TRIM71: variants seen among roughly 807,000 people sequenced by gnomAD.
The protein encoded by TRIM71 is tripartite motif containing 71.
A neutral mutation model predicts 61.2 loss-of-function variants in TRIM71; 9 were observed. The ratio of observed to expected loss-of-function variants is 0.15; its 90% CI spans 0.09 to 0.26. The LOEUF (loss-of-function observed/expected upper bound fraction) is 0.26, where lower values mean the gene tolerates loss of function less well. Among genes scored for constraint, TRIM71 ranks in the 10% least tolerant of loss-of-function variants. TRIM71 has a pLI of 1.00. For synonymous variants in TRIM71, 645 were observed against 553.2 expected, an observed-to-expected ratio of 1.17 and a Z score of -2.33; for missense variants, 998 against 1,238.7, an observed-to-expected ratio of 0.81 and a Z score of 2.92.
chr3:32,869,875 A>G (rs372120242), intron 1 of TRIM71, among the ~76,000 whole-genome samples: 2 of 152,172 alleles, frequency 1.3e-5, no homozygotes, highest in East Asian at 3.9e-4. Context: ...GATTGTCGCC[A>G]GGCCCGAGGG....
rs1697078868 is a variant in TRIM71, at chr3:32,896,448, T to G, written c.*4637T>G. Reference sequence around the variant, plus strand: ...AAAGGTAACATGTTGACGGGTTTTTTTTTTCCTTGTTTATTAAATACTTGA... The same window carrying G: ...AAAGGTAACATGTTGACGGGTTTTTGTTTTCCTTGTTTATTAAATACTTGA... On this transcript the variant is annotated 3_prime_UTR_variant, in exon 4 of 4. Transcript: ENST00000383763. The G allele has an allele frequency of 6.6e-6, 1 of 152,232 alleles. No homozygotes were observed. The highest frequency in any genetic ancestry group is 2.1e-4 in the South Asian group (1 of 4,830). 9.4% of individuals were successfully genotyped at this position (152,232 alleles called of 1,614,324 possible).
At chr3:32,863,774 C>G (rs1016440831) in intron 1 of TRIM71, among the ~76,000 whole-genome samples, 1 of 151,974 alleles carries the variant, frequency 6.6e-6, no homozygotes, top group Non-Finnish European at 1.5e-5. Context: ...CTCTGCCTCC[C>G]GGGTTCAAGC....
rs117460298 is a variant in TRIM71, at chr3:32,821,998, T to C, written c.852+3066T>C. On this transcript the variant is annotated intron_variant, in intron 1 of 3. Transcript: ENST00000383763. ...ACAACTAGGGAGTTGTGAGCGCTGC[T>C]CCAGCTGCTCACAAGTGACCCTTTA... Among the ~76,000 whole-genome samples, 151 of 152,246 alleles carry C rather than the reference T, an allele frequency of 9.9e-4. 4 individuals carry two copies. In the East Asian group the frequency reaches 0.027, roughly 27 times the overall value.
chr3:32,858,990 G>T (rs1696636385), intron 1 of TRIM71, among the ~76,000 whole-genome samples: 1 of 152,122 alleles, frequency 6.6e-6, no homozygotes, highest in African/African-American at 2.4e-5. Flanking sequence ...ATCTGATGGG[G>T]TGGATGGTGA....
chr3:32,853,128 T>C (rs1696557867), intron 1 of TRIM71, among the ~76,000 whole-genome samples: 1 of 151,702 alleles, frequency 6.6e-6, no homozygotes, highest in African/African-American at 2.4e-5. Context: ...CTCTTTTTTT[T>C]TTTTTTTTGA....
chr3:32,888,602 A>G (rs1696987419), intron 3 of TRIM71, among the ~76,000 whole-genome samples: 1 of 151,936 alleles, frequency 6.6e-6, no homozygotes, highest in African/African-American at 2.4e-5. Flanking sequence ...CTGCAGTGGC[A>G]CGATCTCGGC....
At chr3:32,820,408 C>CT (rs560497504) in intron 1 of TRIM71, among the ~76,000 whole-genome samples, 15 of 152,070 alleles carry the variant, frequency 9.9e-5, no homozygotes, top group Admixed American at 2.0e-4. Context: ...GGGCAGTTAT[C>CT]TTTTTTTTCC....
intron 1 of TRIM71, among the ~76,000 whole-genome samples, chr3:32,844,319 T>C (rs1315756554): frequency 6.6e-6 from 1 of 152,202 alleles, no homozygotes; most frequent in Non-Finnish European, 1.5e-5. Flanking sequence ...AGAGGGGATT[T>C]TAGGTCACAA....
At chr3:32,820,629 G>GTT (rs1243983031) in intron 1 of TRIM71, among the ~76,000 whole-genome samples, 1 of 152,148 alleles carries the variant, frequency 6.6e-6, no homozygotes, top group African/African-American at 2.4e-5. Flanking sequence ...GGTGCTTTTA[G>GTT]TTTAAATGTC....
chr3:32,826,545 G>A (rs1164670336), intron 1 of TRIM71, among the ~76,000 whole-genome samples: 1 of 145,102 alleles, frequency 6.9e-6, no homozygotes, highest in Non-Finnish European at 1.5e-5. Context: ...ATCCTAGATG[G>A]TTCCTAACCA....
intron 1 of TRIM71, among the ~76,000 whole-genome samples, chr3:32,842,587 C>T (rs115602484): frequency 0.014 from 2,068 of 152,302 alleles, 50 homozygotes; most frequent in African/African-American, 0.047. Context: ...AGTCCAGACC[C>T]GTGCCAAGGG....
intron 1 of TRIM71, among the ~76,000 whole-genome samples, chr3:32,870,744 T>C (rs570121914): frequency 2.3e-4 from 35 of 152,282 alleles, no homozygotes; most frequent in African/African-American, 8.4e-4. Context: ...AAAATCACCT[T>C]AATTCTTTAT....
At chr3:32,819,501 A>G (rs1157860703) in intron 1 of TRIM71, among the ~76,000 whole-genome samples, 2 of 152,090 alleles carry the variant, frequency 1.3e-5, no homozygotes, top group Non-Finnish European at 2.9e-5. Flanking sequence ...TTGGGACAGC[A>G]TGGCAGTCCT....
chr3:32,833,066 T>C (rs926904334), intron 1 of TRIM71, among the ~76,000 whole-genome samples: 1 of 150,726 alleles, frequency 6.6e-6, no homozygotes, highest in Non-Finnish European at 1.5e-5. Context: ...TCCCAGCTAC[T>C]CGGGAGGCTG....
At chr3:32,874,284 T>C (rs558847888) in intron 2 of TRIM71, among the ~76,000 whole-genome samples, 5 of 152,190 alleles carry the variant, frequency 3.3e-5, no homozygotes, top group Admixed American at 1.3e-4. Flanking sequence ...ATTGGCACTT[T>C]CCAGCCAGGA....
chr3:32,863,693 G>GTTTTT (rs914708216), intron 1 of TRIM71, among the ~76,000 whole-genome samples: 1 of 151,858 alleles, frequency 6.6e-6, no homozygotes. Context: ...TTTTGTTTTT[G>GTTTTT]TTTTTTTGAG....
intron 3 of TRIM71, among the ~76,000 whole-genome samples, chr3:32,888,229 CTA>C (rs1379821323): frequency 1.3e-5 from 2 of 151,916 alleles, no homozygotes; most frequent in Non-Finnish European, 2.9e-5. Flanking sequence ...CAAAAGCGTG[CTA>C]TGTTAAAATT....
intron 3 of TRIM71, among the ~76,000 whole-genome samples, chr3:32,889,612 G>A (rs1056589626): frequency 3.6e-5 from 5 of 137,360 alleles, no homozygotes; most frequent in Middle Eastern, 3.8e-3. Context: ...ATTTTGAGAC[G>A]GAGTCTCGCC....
At chr3:32,877,109 G>A (rs1696858769) in intron 2 of TRIM71, among the ~76,000 whole-genome samples, 1 of 151,986 alleles carries the variant, frequency 6.6e-6, no homozygotes, top group African/African-American at 2.4e-5. Flanking sequence ...ACCATAACTT[G>A]TGTGTGTTTA....
Sources: gnomAD v4.1 joint callset for allele counts (sites outside exome capture counted in the v4.1 genomes callset) on GRCh38, gnomAD v4.1.1 for gene constraint, MANE v1.5 for transcripts, NCBI Gene and HGNC (gene_info 2026-07-23, HGNC 2026-07-21) for gene names.